The following TMEM181 variants were observed in gnomAD, a reference collection of about 807,000 sequenced individuals.
TMEM181 encodes the protein G protein-coupled receptor 178.
In TMEM181, 39 loss-of-function variants were observed where a neutral mutation model predicts 71.9. That is an observed-to-expected ratio of 0.54 (90% CI 0.42 to 0.71). The LOEUF is 0.71. Ranked by LOEUF, TMEM181 falls within the 30% of genes least tolerant of loss-of-function variation. The pLI is 0.00. For synonymous variants in TMEM181, 245 were observed against 228.8 expected, an observed-to-expected ratio of 1.07 and a Z score of -0.64; for missense variants, 595 against 583.0, an observed-to-expected ratio of 1.02 and a Z score of -0.21.
At chr6:158,586,223 A>G (rs889531466) in intron 5 of TMEM181, among the ~76,000 whole-genome samples, 2 of 152,358 alleles carry the variant, frequency 1.3e-5, no homozygotes, top group East Asian at 1.9e-4. Context: ...TCAGAGTCCA[A>G]AGAATCAGAA....
intron 1 of TMEM181, among the ~76,000 whole-genome samples, chr6:158,569,430 C>CT (rs1230484544): frequency 4.6e-5 from 7 of 152,152 alleles, no homozygotes; most frequent in Non-Finnish European, 8.8e-5. Context: ...GTTGTTTTCT[C>CT]TGTCTTTTTT....
intron 1 of TMEM181, among the ~76,000 whole-genome samples, chr6:158,545,502 T>A (rs1265005602): frequency 2.0e-5 from 3 of 152,224 alleles, no homozygotes; most frequent in Non-Finnish European, 4.4e-5. Flanking sequence ...AGGCTCGTCA[T>A]GAGCAACGCC....
intron 1 of TMEM181, among the ~76,000 whole-genome samples, chr6:158,563,916 G>A: frequency 6.6e-6 from 1 of 152,140 alleles, no homozygotes; most frequent in African/African-American, 2.4e-5. Context: ...CAAGAAGCTG[G>A]AACTACAGGT....
chr6:158,575,555 T>A (rs1783109596), intron 2 of TMEM181, among the ~76,000 whole-genome samples: 2 of 152,176 alleles, frequency 1.3e-5, no homozygotes, highest in African/African-American at 4.8e-5. Context: ...TGACCTCAGA[T>A]GATCCGCCTG....
At chr6:158,540,247 G>C (rs1781292420) in intron 1 of TMEM181, among the ~76,000 whole-genome samples, 2 of 152,204 alleles carry the variant, frequency 1.3e-5, no homozygotes, top group African/African-American at 4.8e-5. Flanking sequence ...CAAGGACATG[G>C]AATGTTCACG....
chr6:158,611,978 C>CCT (rs71542923), intron 10 of TMEM181, among the ~76,000 whole-genome samples: 25,251 of 144,818 alleles, frequency 0.17, 2,312 homozygotes, highest in African/African-American at 0.22. Flanking sequence ...GCAGGGATAC[C>CCT]CCCCCCACCT....
At chr6:158,586,606 T>C (rs1783785011) in intron 5 of TMEM181, among the ~76,000 whole-genome samples, 1 of 152,098 alleles carries the variant, frequency 6.6e-6, no homozygotes, top group Admixed American at 6.5e-5. Context: ...CCATGGATAC[T>C]GCCTAGTTAC....
At chr6:158,586,120 A>G (rs752904174) in intron 5 of TMEM181, among the ~76,000 whole-genome samples, 7 of 152,148 alleles carry the variant, frequency 4.6e-5, no homozygotes, top group Non-Finnish European at 1.0e-4. Flanking sequence ...TTGAGCATCT[A>G]CTTCAGAGCA....
intron 10 of TMEM181, among the ~76,000 whole-genome samples, chr6:158,614,489 A>T (rs530069560): frequency 1.4e-4 from 22 of 151,982 alleles, no homozygotes; most frequent in East Asian, 5.8e-4. Flanking sequence ...TTTAAAAAAA[A>T]TTTTTTTTTA....
chr6:158,571,825 CA>C (rs1782866925), intron 1 of TMEM181, among the ~76,000 whole-genome samples: 1 of 152,218 alleles, frequency 6.6e-6, no homozygotes, highest in Non-Finnish European at 1.5e-5. Flanking sequence ...ATCTTGGGCA[CA>C]TGCACTCTCT....
chr6:158,539,404 C>G (rs183699001), intron 1 of TMEM181, among the ~76,000 whole-genome samples: 2 of 152,326 alleles, frequency 1.3e-5, no homozygotes, highest in East Asian at 3.9e-4. Context: ...CTGCTAGTTA[C>G]AGCTCCGCAT....
rs1786704291 is a variant in TMEM181, at chr6:158,632,197, T to C, written c.*309T>C. ...TTCACGTTTTTAGTACAGTGAATTA[T>C]GTACTTTTTTTTCCTGTAATCATTC... On this transcript the variant is annotated 3_prime_UTR_variant, in exon 17 of 17. Transcript: ENST00000684151. 9.0e-6 allele frequency: 3 copies of C among 334,506 alleles called. No homozygotes were observed. Among genetic ancestry groups the C allele is most frequent in the Admixed American group, 4.4e-5 (1 of 22,818 alleles). 20.7% of individuals were successfully genotyped at this position (334,506 alleles called of 1,614,324 possible).
chr6:158,623,875 G>A (rs1205777631), intron 11 of TMEM181, among the ~76,000 whole-genome samples: 4 of 151,964 alleles, frequency 2.6e-5, no homozygotes, highest in South Asian at 2.1e-4. Flanking sequence ...GTTCTCCTGC[G>A]TCAGCCTTCT....
rs756546521 is a variant in TMEM181, at chr6:158,608,556, A to G, written c.804+93A>G. On this transcript the variant is annotated intron_variant, in intron 9 of 16. Transcript: ENST00000684151. Reference sequence around the variant, plus strand: ...ACAGCCCAGAAAGGTGAATTTATCCATGGAAGCCTGTCTGCAGGCCCATAC... The same window carrying G: ...ACAGCCCAGAAAGGTGAATTTATCCGTGGAAGCCTGTCTGCAGGCCCATAC... 128 of 1,606,412 alleles carry G rather than the reference A, an allele frequency of 8.0e-5. 1 individual carries two copies. The highest frequency in any genetic ancestry group is 1.7e-4 in the Middle Eastern group (1 of 5,852).
intron 6 of TMEM181, among the ~76,000 whole-genome samples, chr6:158,590,600 A>G (rs1784052457): frequency 6.6e-6 from 1 of 152,142 alleles, no homozygotes; most frequent in African/African-American, 2.4e-5. Context: ...AGTAGCTGGG[A>G]TTACAAGTGT....
rs1034563934 is a variant in TMEM181 at position 158,632,896 on chromosome 6, C to T, written c.*1008C>T. 2.0e-5 allele frequency: 3 copies of T among 152,228 alleles called. No individual in the cohort carries two copies. Among genetic ancestry groups the T allele is most frequent in the Non-Finnish European group, 2.9e-5 (2 of 68,144 alleles). 9.4% of individuals were successfully genotyped at this position (152,228 alleles called of 1,614,324 possible). A position where few individuals can be genotyped will look rare whatever the true frequency, so the allele number is the denominator to read the frequency against. On this transcript the variant is annotated 3_prime_UTR_variant, in exon 17 of 17. Coordinates refer to ENST00000684151, the MANE Select transcript of TMEM181 (RefSeq NM_001376852.1). Reference sequence around the variant, plus strand: ...CAGCCTGGGCAACACAGGGAGACCCCGTCTCTATAAAACATTTAGAAAGTT... The same window carrying T: ...CAGCCTGGGCAACACAGGGAGACCCTGTCTCTATAAAACATTTAGAAAGTT...
intron 1 of TMEM181, among the ~76,000 whole-genome samples, chr6:158,540,529 C>T (rs879149679): frequency 2.0e-5 from 3 of 152,102 alleles, no homozygotes; most frequent in Admixed American, 2.0e-4. Context: ...GCCTGTAATC[C>T]CAGCACTTTG....
intron 6 of TMEM181, among the ~76,000 whole-genome samples, chr6:158,602,335 AAGC>A (rs1485204838): frequency 6.6e-6 from 1 of 152,238 alleles, no homozygotes; most frequent in African/African-American, 2.4e-5. Context: ...GTCACAAAGA[AAGC>A]AGCGATGAAC....
At chr6:158,608,563 C>T in intron 9 of TMEM181, 96 bp from the exon 10 acceptor site, 1 of 1,604,226 alleles carries the variant, frequency 6.2e-7, no homozygotes, top group South Asian at 1.1e-5. Flanking sequence ...TCCATGGAAG[C>T]CTGTCTGCAG....
Sources: gnomAD v4.1 joint callset for allele counts (sites outside exome capture counted in the v4.1 genomes callset) on GRCh38, gnomAD v4.1.1 for gene constraint, MANE v1.5 for transcripts, NCBI Gene and HGNC (gene_info 2026-07-23, HGNC 2026-07-21) for gene names.